The following USP43 variants were observed in gnomAD, a reference collection of about 807,000 sequenced individuals.
USP43 encodes ubiquitin specific peptidase 43, also known as ubiquitin carboxyl-terminal hydrolase 43.
USP43 carries 33 observed loss-of-function variants against 90.7 expected under a neutral mutation model. The ratio of observed to expected loss-of-function variants is 0.36; its 90% CI spans 0.28 to 0.49. The LOEUF is 0.49. USP43 is among the 20% of genes least tolerant of loss of function. The pLI is 0.98. For synonymous variants in USP43, 598 were observed against 615.8 expected (o/e 0.97, Z 0.43); for missense variants, 1,274 against 1,476.4 (o/e 0.86, Z 2.25).
intron 3 of USP43, among the ~76,000 whole-genome samples, chr17:9,668,976 C>T (rs1230086127): frequency 6.6e-6 from 1 of 151,746 alleles, no homozygotes; most frequent in Non-Finnish European, 1.5e-5. Flanking sequence ...GCTGGGATTA[C>T]AGGTGCGTGC....
rs569092210 is a variant in USP43, at chr17:9,702,830, G to A, written c.2011+1130G>A. Among the ~76,000 whole-genome samples, 7 of 152,318 alleles carry A rather than the reference G, an allele frequency of 4.6e-5. No individual in the cohort carries two copies. In the South Asian group the frequency reaches 1.5e-3, roughly 32 times the overall value. The stretch of plus-strand genomic sequence containing the variant: ...TGATTTCCGCCATCGGAGAATGGAT[G>A]GAACAGGCCCCCATAGAGAAAGAGA... On this transcript the variant is annotated intron_variant, in intron 12 of 14. Coordinates refer to ENST00000285199, the MANE Select transcript of USP43 (RefSeq NM_153210.5).
At chr17:9,683,083 G>T in intron 7 of USP43, 125 bp downstream of exon 7, 2 of 1,274,364 alleles carry the variant, frequency 1.6e-6, no homozygotes, top group Admixed American at 2.6e-5. Flanking sequence ...CAGAAGTAGG[G>T]TCCTTTCTGA....
At chr17:9,682,029 G>A (rs1367601947) in intron 6 of USP43, among the ~76,000 whole-genome samples, 1 of 152,062 alleles carries the variant, frequency 6.6e-6, no homozygotes, top group Non-Finnish European at 1.5e-5. Flanking sequence ...CAATCATGGT[G>A]GACACATCTT....
chr17:9,677,515 T>C (rs1200144288), intron 5 of USP43, among the ~76,000 whole-genome samples: 1 of 152,240 alleles, frequency 6.6e-6, no homozygotes, highest in Non-Finnish European at 1.5e-5. Context: ...TCTACCTGTT[T>C]TCTTTTCAAA....
intron 14 of USP43, among the ~76,000 whole-genome samples, chr17:9,716,052 TGA>T (rs1916547692): frequency 2.0e-5 from 3 of 151,430 alleles, no homozygotes; most frequent in Middle Eastern, 6.8e-3. Context: ...TTTGTGTGTA[TGA>T]GTGTGCTTGT....
At chr17:9,665,607 T>C (rs1347626224) in intron 2 of USP43, among the ~76,000 whole-genome samples, 1 of 152,104 alleles carries the variant, frequency 6.6e-6, no homozygotes, top group East Asian at 1.9e-4. Flanking sequence ...GGATTACAAT[T>C]GAAGATGAGA....
intron 14 of USP43, among the ~76,000 whole-genome samples, chr17:9,718,868 C>T (rs539781399): frequency 6.6e-6 from 1 of 151,678 alleles, no homozygotes; most frequent in African/African-American, 2.4e-5. Context: ...AAAAAGAATC[C>T]GTTTCTATGC....
At chr17:9,666,595 T>A in intron 2 of USP43, 53 bp from the exon 3 acceptor site, 1 of 1,446,258 alleles carries the variant, frequency 6.9e-7, no homozygotes. Flanking sequence ...CTGGAAGCAG[T>A]TGAGTGATGA....
At chr17:9,652,853 A>G (rs1198907419) in intron 1 of USP43, among the ~76,000 whole-genome samples, 2 of 152,158 alleles carry the variant, frequency 1.3e-5, no homozygotes, top group East Asian at 3.8e-4. Context: ...TATGATAACC[A>G]TTTGCTACTA....
intron 14 of USP43, among the ~76,000 whole-genome samples, chr17:9,723,647 G>A (rs1267617566): frequency 6.8e-6 from 1 of 147,600 alleles, no homozygotes; most frequent in Non-Finnish European, 1.5e-5. Context: ...GCAGTGGTAC[G>A]ATCTTGGCTC....
intron 3 of USP43, among the ~76,000 whole-genome samples, chr17:9,670,689 G>A (rs12600362): frequency 0.1 from 15,431 of 152,076 alleles, 1,113 homozygotes; most frequent in East Asian, 0.24. Flanking sequence ...TGCCTGACTT[G>A]GCGTGGGATG....
At chr17:9,666,101 C>T (rs1292402457) in intron 2 of USP43, among the ~76,000 whole-genome samples, 3 of 152,134 alleles carry the variant, frequency 2.0e-5, no homozygotes, top group East Asian at 1.9e-4. Flanking sequence ...ATGAAAAGGA[C>T]AGCAGGACTG....
chr17:9,654,737 T>C (rs1259651086), intron 1 of USP43, among the ~76,000 whole-genome samples: 2 of 152,022 alleles, frequency 1.3e-5, no homozygotes, highest in African/African-American at 2.4e-5. Flanking sequence ...ATCTCCTTTA[T>C]TTTTAGTTTT....
At chr17:9,667,510 G>A (rs1229041002) in intron 3 of USP43, among the ~76,000 whole-genome samples, 1 of 152,218 alleles carries the variant, frequency 6.6e-6, no homozygotes, top group Non-Finnish European at 1.5e-5. Flanking sequence ...TTCATACAAG[G>A]CAGAATCGTT....
At chr17:9,698,454 T>C (rs1446362763) in intron 9 of USP43, among the ~76,000 whole-genome samples, 1 of 152,238 alleles carries the variant, frequency 6.6e-6, no homozygotes, top group Non-Finnish European at 1.5e-5. Flanking sequence ...CCCAGACACC[T>C]GAGTGCATCA....
At chr17:9,675,029 T>G in intron 4 of USP43, 46 bp downstream of exon 4, 1 of 1,539,696 alleles carries the variant, frequency 6.5e-7, no homozygotes. Flanking sequence ...CTTCCATCCT[T>G]ACTCATTACG....
rs771419264 is a variant in USP43 at position 9,693,222 on chromosome 17, A to G, written c.1449A>G (p.Ala483=). 9 of 1,612,116 alleles carry G rather than the reference A, an allele frequency of 5.6e-6. No homozygotes were observed. The highest frequency in any genetic ancestry group is 7.6e-6 in the Non-Finnish European group (9 of 1,179,172). ...ACAGTCGGCCCCTCTGTCACTGGGC[A>G]GTTGACAGGTAAGGGGGAAGGTCCA... The part of the protein sequence containing the change: ...PKDSRPLCHW[A]VDRVLHLRRP... The change falls in exon 9 of 15, where the codon GCA becomes GCG. Residue 483 remains alanine (A), a synonymous_variant. Coordinates refer to ENST00000285199, the MANE Select transcript of USP43 (RefSeq NM_153210.5).
chr17:9,669,232 G>C (rs913203223), intron 3 of USP43, among the ~76,000 whole-genome samples: 1 of 152,060 alleles, frequency 6.6e-6, no homozygotes, highest in Non-Finnish European at 1.5e-5. Context: ...GAAAGTGAAA[G>C]AAGAACATTT....
chr17:9,694,826 G>T (rs752659969), intron 9 of USP43, among the ~76,000 whole-genome samples: 32 of 152,100 alleles, frequency 2.1e-4, no homozygotes, highest in Non-Finnish European at 4.3e-4. Context: ...GTTTCATCAT[G>T]TTGGTCAGGC....
Sources: gnomAD v4.1 joint callset for allele counts (sites outside exome capture counted in the v4.1 genomes callset) on GRCh38, gnomAD v4.1.1 for gene constraint, MANE v1.5 for transcripts, NCBI Gene and HGNC (gene_info 2026-07-23, HGNC 2026-07-21) for gene names.